Variants in SRPK2 observed in about 807,000 individuals in gnomAD.
The protein encoded by SRPK2 is SFRS protein kinase 2.
SRPK2 carries 21 observed loss-of-function variants against 90.8 expected under a neutral mutation model. The observed-to-expected ratio is 0.23, with a 90% CI of 0.16 to 0.33. The LOEUF (loss-of-function observed/expected upper bound fraction) is 0.33. Ranked by LOEUF, SRPK2 falls within the 10% of genes least tolerant of loss-of-function variation. The pLI is 1.00. For missense variants in SRPK2, 620 were observed against 869.0 expected, an observed-to-expected ratio of 0.71 and a Z score of 3.60; for synonymous variants, 288 against 311.1, an observed-to-expected ratio of 0.93 and a Z score of 0.78.
chr7:105,134,041 A>ATTTCTGATACC (rs1802424893), intron 11 of SRPK2, among the ~76,000 whole-genome samples: 2 of 152,304 alleles, frequency 1.3e-5, no homozygotes, highest in Non-Finnish European at 2.9e-5. Context: ...ACTGACCTAC[A>ATTTCTGATACC]AGATCAGATT....
chr7:105,298,651 G>A (rs10255779), intron 2 of SRPK2: 115,535 of 835,906 alleles, frequency 0.14, 9,522 homozygotes, highest in East Asian at 0.58. Context: ...CAAATAAAAA[G>A]GCCCCATAGG....
chr7:105,251,625 A>C (rs887468573), intron 2 of SRPK2, among the ~76,000 whole-genome samples: 1 of 152,218 alleles, frequency 6.6e-6, no homozygotes, highest in African/African-American at 2.4e-5. Context: ...CCATCATTTA[A>C]TTGTAAACCT....
intron 2 of SRPK2, among the ~76,000 whole-genome samples, chr7:105,329,069 T>C (rs1375648435): frequency 6.6e-6 from 1 of 152,012 alleles, no homozygotes; most frequent in Non-Finnish European, 1.5e-5. Context: ...AACTGCAAGT[T>C]CCAGTCTCAG....
At chr7:105,228,891 G>A (rs575603721) in intron 2 of SRPK2, among the ~76,000 whole-genome samples, 2 of 152,322 alleles carry the variant, frequency 1.3e-5, no homozygotes, top group South Asian at 2.1e-4. Flanking sequence ...AGAATGGCAG[G>A]CTGAGTAAAC....
At chr7:105,191,339 CAGG>C (rs1240836834) in intron 3 of SRPK2, among the ~76,000 whole-genome samples, 2 of 152,220 alleles carry the variant, frequency 1.3e-5, no homozygotes, top group African/African-American at 4.8e-5. Flanking sequence ...GAGGCAGAAA[CAGG>C]AGGAGATTCC....
intron 2 of SRPK2, among the ~76,000 whole-genome samples, chr7:105,213,947 A>G (rs929395293): frequency 2.6e-5 from 4 of 152,248 alleles, no homozygotes; most frequent in African/African-American, 9.6e-5. Context: ...ACAAAATTCA[A>G]ATGCAGTCAA....
At chr7:105,189,090 T>C (rs1021012683) in intron 3 of SRPK2, 9 of 152,810 alleles carry the variant, frequency 5.9e-5, no homozygotes, top group African/African-American at 7.2e-5. Context: ...AGGGGCTCAG[T>C]ACTTCTGGGA....
At chr7:105,221,821 G>A (rs190286465) in intron 2 of SRPK2, among the ~76,000 whole-genome samples, 8 of 151,988 alleles carry the variant, frequency 5.3e-5, no homozygotes, top group African/African-American at 7.2e-5. Flanking sequence ...ATTTTTCTTC[G>A]GATTACCAAA....
rs1220166261 is a variant in SRPK2 at position 105,339,475 on chromosome 7, G to A, written c.71+49173C>T. On this transcript the variant is annotated intron_variant, in intron 2 of 15. Coordinates refer to ENST00000393651, the MANE Select transcript of SRPK2 (RefSeq NM_182692.3). ...AGCTCACCTAATTGTCTTAAATATT[G>A]TTAACATAATAATGAAGGAAGAAAC... Among the ~76,000 whole-genome samples the A allele has an allele frequency of 3.9e-5, 6 of 152,232 alleles. No individual in the cohort carries two copies. The East Asian group carries it at 1.2e-3, about 29-fold the overall frequency.
chr7:105,320,414 A>C (rs1812809555), intron 2 of SRPK2, among the ~76,000 whole-genome samples: 1 of 152,168 alleles, frequency 6.6e-6, no homozygotes, highest in South Asian at 2.1e-4. Context: ...CTTATCTATA[A>C]AATTTCTTCA....
chr7:105,137,038 A>C (rs774456319), intron 11 of SRPK2, among the ~76,000 whole-genome samples: 1 of 152,232 alleles, frequency 6.6e-6, no homozygotes, highest in Non-Finnish European at 1.5e-5. Flanking sequence ...AAGGAGATGG[A>C]TAATGCCAAG....
At chr7:105,258,703 A>G (rs1387610487) in intron 2 of SRPK2, among the ~76,000 whole-genome samples, 1 of 152,160 alleles carries the variant, frequency 6.6e-6, no homozygotes, top group Non-Finnish European at 1.5e-5. Flanking sequence ...ACTTGGCTTC[A>G]CCCCTGGGAT....
In SRPK2 at chr7:105,237,300, A is replaced by G. The variant is rs2299318; in HGVS notation, c.72-33515T>C. On this transcript the variant is annotated intron_variant, in intron 2 of 15. Transcript: ENST00000393651. ...ATTATTATTTGTCATAACATCCTGC[A>G]TATTCCTACTCCCCACTGCAAGTCT... is the stretch of plus-strand genomic sequence containing the variant. Among the ~76,000 whole-genome samples, 787 of 152,362 alleles carry G rather than the reference A, an allele frequency of 5.2e-3. 12 individuals are homozygous for G. The East Asian group carries it at 0.055, about 11-fold the overall frequency.
At chr7:105,253,079 T>A (rs985329496) in intron 2 of SRPK2, among the ~76,000 whole-genome samples, 1 of 152,192 alleles carries the variant, frequency 6.6e-6, no homozygotes, top group African/African-American at 2.4e-5. Context: ...TCTTTAATCA[T>A]AATTAACTGC....
At chr7:105,295,070 G>C (rs1809606643) in intron 2 of SRPK2, among the ~76,000 whole-genome samples, 1 of 151,918 alleles carries the variant, frequency 6.6e-6, no homozygotes, top group Admixed American at 6.6e-5. Flanking sequence ...AAATCAGCCA[G>C]GTGTGGTGGC....
intron 6 of SRPK2, among the ~76,000 whole-genome samples, chr7:105,161,283 C>T (rs1211119601): frequency 6.6e-6 from 1 of 152,128 alleles, no homozygotes; most frequent in Admixed American, 6.5e-5. Context: ...AATGTATATG[C>T]TATGTAAATA....
At chr7:105,340,935 GAT>G (rs1368666349) in intron 2 of SRPK2, among the ~76,000 whole-genome samples, 1 of 152,132 alleles carries the variant, frequency 6.6e-6, no homozygotes, top group Non-Finnish European at 1.5e-5. Context: ...ATTGTATAAT[GAT>G]ATGTGTCAAC....
chr7:105,293,096 G>A (rs139260268), intron 2 of SRPK2, among the ~76,000 whole-genome samples: 105 of 152,186 alleles, frequency 6.9e-4, no homozygotes, highest in African/African-American at 2.5e-3. Context: ...TCAGGAGTTC[G>A]AGACCAGCTT....
chr7:105,320,027 T>C (rs540800327), intron 2 of SRPK2, among the ~76,000 whole-genome samples: 1 of 152,280 alleles, frequency 6.6e-6, no homozygotes, highest in South Asian at 2.1e-4. Flanking sequence ...TTCCAAATAA[T>C]AACATTCCAA....
Sources: allele counts gnomAD v4.1 joint callset (sites outside exome capture counted in the v4.1 genomes callset), GRCh38; gene constraint gnomAD v4.1.1; transcripts MANE v1.5; gene names NCBI Gene and HGNC (gene_info 2026-07-23, HGNC 2026-07-21).